Variants in COL26A1 observed in about 807,000 individuals in gnomAD.
COL26A1 encodes the protein collagen type XXVI alpha 1 chain, also known as collagen alpha-1(XXVI) chain.
In COL26A1, 41 loss-of-function variants were observed where a neutral mutation model predicts 59.3. That is an observed-to-expected ratio of 0.69 (90% CI 0.54 to 0.90). COL26A1 has a LOEUF of 0.90. Ranked by LOEUF, COL26A1 falls within the 40% of genes least tolerant of loss-of-function variation. The pLI is 0.00. For synonymous variants in COL26A1, 266 were observed against 256.0 expected (o/e 1.04, Z -0.37); for missense variants, 612 against 602.3 (o/e 1.02, Z -0.17).
At chr7:101,396,223 G>A (rs560264020) in intron 1 of COL26A1, among the ~76,000 whole-genome samples, 26 of 152,062 alleles carry the variant, frequency 1.7e-4, no homozygotes, top group East Asian at 9.7e-4. Flanking sequence ...AGCCGAGATC[G>A]CACCACTGCA....
intron 2 of COL26A1, among the ~76,000 whole-genome samples, chr7:101,421,683 G>C (rs1792525777): frequency 6.6e-6 from 1 of 151,564 alleles, no homozygotes; most frequent in Admixed American, 6.6e-5. Context: ...TACGTCTCAT[G>C]ACTGGTGATG....
intron 3 of COL26A1, among the ~76,000 whole-genome samples, chr7:101,460,428 C>A (rs1467302317): frequency 6.6e-6 from 1 of 152,144 alleles, no homozygotes; most frequent in Admixed American, 6.6e-5. Flanking sequence ...TTGCATCTTT[C>A]TTCCCCACTG....
In COL26A1 at chr7:101,363,132, C is replaced by G. The variant is rs1241850366; in HGVS notation, c.100C>G (p.Gln34Glu). The change falls in exon 1 of 13, where the codon CAG (glutamine) becomes GAG (glutamate). Residue 34 changes from glutamine to glutamate, a missense_variant. Coordinates refer to ENST00000313669, the MANE Select transcript of COL26A1 (RefSeq NM_001278563.3). ...TCCCTTCTCGGCCGCAGCTCTGCAGCAGCACGGCTACCCCGAGCCCGGCGC... is the reference window on the plus strand; with the variant it reads ...TCCCTTCTCGGCCGCAGCTCTGCAGGAGCACGGCTACCCCGAGCCCGGCGC... Reference protein sequence around the residue: ...LYPFSAAALQQHGYPEPGAGS... With the variant: ...LYPFSAAALQEHGYPEPGAGS... 6.5e-7 allele frequency: 1 copy of G among 1,529,284 alleles called. No individual in the cohort carries two copies. Among genetic ancestry groups the G allele is most frequent in the Non-Finnish European group, 8.7e-7 (1 of 1,146,084 alleles). 94.7% of individuals were successfully genotyped at this position (1,529,284 alleles called of 1,614,324 possible). A position where few individuals can be genotyped will look rare whatever the true frequency, so the allele number is the denominator to read the frequency against.
chr7:101,519,356 G>A (rs1008846768), intron 3 of COL26A1, among the ~76,000 whole-genome samples: 1 of 152,178 alleles, frequency 6.6e-6, no homozygotes, highest in African/African-American at 2.4e-5. Context: ...TGTGGCCCAG[G>A]CTGGAGTGCA....
chr7:101,420,325 A>G (rs1792482532), intron 2 of COL26A1, among the ~76,000 whole-genome samples: 1 of 147,574 alleles, frequency 6.8e-6, no homozygotes, highest in African/African-American at 2.4e-5. Context: ...GAACCACACA[A>G]CCCAGTGGGT....
At position 101,429,995 on chromosome 7, in the gene COL26A1, A is replaced by T. The variant is rs1305191733; in HGVS notation, c.281+9896A>T. ...ACCAAAAGTCTTGATGGGATTTTTTAAAATAGGAATTGCATTTAACCTGTA... is the reference window on the plus strand; with the variant it reads ...ACCAAAAGTCTTGATGGGATTTTTTTAAATAGGAATTGCATTTAACCTGTA... On this transcript the variant is annotated intron_variant, in intron 2 of 12. Transcript: ENST00000313669. 4.6e-5 allele frequency among the ~76,000 whole-genome samples: 7 copies of T among 152,272 alleles called. No individual in the cohort carries two copies. In the East Asian group the frequency reaches 9.6e-4, roughly 21 times the overall value.
chr7:101,394,805 G>C (rs1279381915), intron 1 of COL26A1, among the ~76,000 whole-genome samples: 1 of 150,522 alleles, frequency 6.6e-6, no homozygotes, highest in African/African-American at 2.4e-5. Context: ...GAAAGCAGGA[G>C]ACCTCCAGTT....
intron 1 of COL26A1, among the ~76,000 whole-genome samples, chr7:101,363,660 CG>C (rs1220393362): frequency 6.6e-6 from 1 of 151,694 alleles, no homozygotes; most frequent in Non-Finnish European, 1.5e-5. Flanking sequence ...GGTCCGGCTC[CG>C]GGGCTGCGGT....
At chr7:101,366,375 T>C (rs1791045657) in intron 1 of COL26A1, among the ~76,000 whole-genome samples, 2 of 152,082 alleles carry the variant, frequency 1.3e-5, no homozygotes, top group Non-Finnish European at 2.9e-5. Flanking sequence ...AGTAGTGTGT[T>C]TACCGGGGCT....
At chr7:101,390,978 A>C (rs1791715014) in intron 1 of COL26A1, among the ~76,000 whole-genome samples, 1 of 151,678 alleles carries the variant, frequency 6.6e-6, no homozygotes. Flanking sequence ...CTCTAGGTCT[A>C]CTCTTTGGCC....
intron 3 of COL26A1, among the ~76,000 whole-genome samples, chr7:101,492,522 C>T (rs1419482707): frequency 6.6e-6 from 1 of 151,496 alleles, no homozygotes; most frequent in African/African-American, 2.4e-5. Flanking sequence ...CACGGAGAAA[C>T]CCCATCTCTA....
chr7:101,377,634 C>T (rs572626134), intron 1 of COL26A1, among the ~76,000 whole-genome samples: 1 of 152,102 alleles, frequency 6.6e-6, no homozygotes, highest in South Asian at 2.1e-4. Context: ...GCAACGTTGC[C>T]CAAGCTGGTC....
intron 1 of COL26A1, among the ~76,000 whole-genome samples, chr7:101,412,644 CAAAAA>C (rs55967503): frequency 4.5e-5 from 4 of 88,018 alleles, no homozygotes; most frequent in African/African-American, 1.4e-4. Context: ...GACTCCGTCT[CAAAAA>C]AAAAAAAAAA....
At chr7:101,403,164 CCATT>C (rs1367711651) in intron 1 of COL26A1, among the ~76,000 whole-genome samples, 1 of 152,096 alleles carries the variant, frequency 6.6e-6, no homozygotes, top group African/African-American at 2.4e-5. Flanking sequence ...TAATAATTCT[CCATT>C]CAAGTCCATA....
chr7:101,533,291 G>A, intron 4 of COL26A1, 148 bp downstream of exon 4: 1 of 654,510 alleles, frequency 1.5e-6, no homozygotes, highest in Non-Finnish European at 2.7e-6. Flanking sequence ...CAGGTACTGG[G>A]TACTGTTCAG....
chr7:101,471,567 G>GTTGTTTTTTT lies in COL26A1; in HGVS notation c.385+23782_385+23783insGTTTTTTTTT, dbSNP rs1485332913. Among the ~76,000 whole-genome samples the GTTGTTTTTTT allele has an allele frequency of 3.3e-4, 37 of 112,412 alleles. 1 individual carries two copies. Among genetic ancestry groups the GTTGTTTTTTT allele is most frequent in the African/African-American group, 1.3e-3 (36 of 28,436 alleles). The allele number at this position is 112,412 out of a possible 152,430, so 73.7% of individuals were successfully genotyped here. A position where few individuals can be genotyped will look rare whatever the true frequency, so the allele number is the denominator to read the frequency against. On this transcript the variant is annotated intron_variant, in intron 3 of 12. Transcript: ENST00000313669. ...ATAATGTTTTGTTGTTGTTGTTGTT[G>GTTGTTTTTTT]TTTGTTTTTTTTTTTTTTTTTTTTT...
chr7:101,530,263 T>C (rs990125923), intron 3 of COL26A1, among the ~76,000 whole-genome samples: 35 of 151,924 alleles, frequency 2.3e-4, no homozygotes, highest in African/African-American at 8.2e-4. Context: ...TCATTGGTTG[T>C]GTAAGTTTAA....
At chr7:101,484,687 A>G (rs1218035941) in intron 3 of COL26A1, among the ~76,000 whole-genome samples, 1 of 150,696 alleles carries the variant, frequency 6.6e-6, no homozygotes, top group Non-Finnish European at 1.5e-5. Context: ...TTATTTTTAG[A>G]TGGAGTCTTG....
intron 3 of COL26A1, among the ~76,000 whole-genome samples, chr7:101,518,800 A>C (rs1411830652): frequency 1.3e-5 from 2 of 152,120 alleles, no homozygotes; most frequent in Non-Finnish European, 2.9e-5. Flanking sequence ...TTTTTGTTGC[A>C]ATGAAATCCC....
Sources: gnomAD v4.1 joint callset for allele counts (sites outside exome capture counted in the v4.1 genomes callset) on GRCh38, gnomAD v4.1.1 for gene constraint, MANE v1.5 for transcripts, NCBI Gene and HGNC (gene_info 2026-07-23, HGNC 2026-07-21) for gene names.